COQ8A: variants seen among roughly 807,000 people sequenced by gnomAD.
COQ8A encodes the protein atypical kinase COQ8A, mitochondrial.
Under a neutral mutation model 65.0 loss-of-function variants are expected in COQ8A, and 51 were observed. The ratio of observed to expected loss-of-function variants is 0.78; its 90% CI spans 0.63 to 0.99. The LOEUF is 0.99. Ranked by LOEUF, COQ8A falls within the 50% of genes least tolerant of loss-of-function variation. The pLI is 0.00. For missense variants in COQ8A, 940 were observed against 875.0 expected (o/e 1.07, Z -0.94); for synonymous variants, 371 against 353.2 (o/e 1.05, Z -0.57).
At chr1:226,961,274 C>T (rs1403233403) in intron 1 of COQ8A, 103 bp from the exon 2 acceptor site, 2 of 1,300,934 alleles carry the variant, frequency 1.5e-6, no homozygotes, top group Non-Finnish European at 2.2e-6. Context: ...GTGGAAAAAC[C>T]AGCCCTCTGG....
rs79118974 is a variant in COQ8A at position 226,986,185 on chromosome 1, A to G, written c.1660-268A>G. 8.4e-3 allele frequency among the ~76,000 whole-genome samples: 1,209 copies of G among 144,636 alleles called. 18 individuals are homozygous for G. Among genetic ancestry groups the G allele is most frequent in the African/African-American group, 0.03 (1,149 of 38,596 alleles). The allele number at this position is 144,636 out of a possible 152,430, so 94.9% of individuals were successfully genotyped here. On this transcript the variant is annotated intron_variant, in intron 14 of 14. Transcript: ENST00000366777. ...TTGGCCAGAACAGTGTTTTGTTAAA[A>G]CTCTGTATGAGTGCCACGAGGCGGG...
intron 9 of COQ8A, 28 bp downstream of exon 9, chr1:226,983,661 G>C (rs763859018): frequency 1.2e-6 from 2 of 1,613,208 alleles, no homozygotes; most frequent in South Asian, 2.2e-5. Context: ...TGGGTCAAGG[G>C]CAGGAGTGGG....
rs780563486 is a variant in COQ8A at position 226,965,301 on chromosome 1, G to A, written c.479G>A (p.Arg160Gln). 6 of 1,613,888 alleles carry A rather than the reference G, an allele frequency of 3.7e-6. No individual in the cohort carries two copies. Among genetic ancestry groups the A allele is most frequent in the Non-Finnish European group, 5.1e-6 (6 of 1,180,000 alleles). The change falls in exon 3 of 15, where the codon CGA becomes CAA. Residue 160 changes from arginine (R) to glutamine (Q), a missense_variant. By Grantham distance (43) the Arg-to-Gln change is conservative (BLOSUM62 1). Coordinates refer to ENST00000366777, the MANE Select transcript of COQ8A (RefSeq NM_020247.5). ...RDSFSAMGFQRRFFHQDQSPV... is the reference protein window; with the variant it reads ...RDSFSAMGFQQRFFHQDQSPV... Reference sequence around the variant, plus strand: ...TCATTCTCTGCCATGGGCTTTCAGCGAAGGTTCTTCCACCAGGACCAATCC... The same window carrying A: ...TCATTCTCTGCCATGGGCTTTCAGCAAAGGTTCTTCCACCAGGACCAATCC...
At chr1:226,977,559 GC>G (rs1174309352) in intron 5 of COQ8A, 36 bp downstream of exon 5, 1 of 1,543,232 alleles carries the variant, frequency 6.5e-7, no homozygotes, top group Non-Finnish European at 8.8e-7. Context: ...GGCAGGGTGG[GC>G]CCCGGGAGGG....
chr1:226,964,465 A>C (rs1658438047), intron 2 of COQ8A, among the ~76,000 whole-genome samples: 1 of 152,184 alleles, frequency 6.6e-6, no homozygotes, highest in African/African-American at 2.4e-5. Context: ...AGGGACGGCC[A>C]GGCCTGGTCC....
At chr1:226,964,107 G>A (rs527790607) in intron 2 of COQ8A, among the ~76,000 whole-genome samples, 80 of 152,320 alleles carry the variant, frequency 5.3e-4, no homozygotes, top group African/African-American at 1.7e-3. Flanking sequence ...ACAGCAGAAC[G>A]TGAGGCTTGG....
chr1:226,960,204 T>TGGG (rs1658076817), intron 1 of COQ8A, among the ~76,000 whole-genome samples: 1 of 136,946 alleles, frequency 7.3e-6, no homozygotes, highest in Non-Finnish European at 1.6e-5. Flanking sequence ...TGGTGGTACT[T>TGGG]GGTGGTGGTG....
chr1:226,959,668 A>C (rs773144597), intron 1 of COQ8A, among the ~76,000 whole-genome samples: 67 of 152,348 alleles, frequency 4.4e-4, no homozygotes, highest in Middle Eastern at 3.4e-3. Context: ...TTTGCATCCC[A>C]GTATGCAGGA....
intron 2 of COQ8A, among the ~76,000 whole-genome samples, chr1:226,962,062 G>A (rs1658286177): frequency 6.6e-6 from 1 of 152,184 alleles, no homozygotes; most frequent in South Asian, 2.1e-4. Flanking sequence ...TGTGCACTTT[G>A]GAGACACACA....
At position 226,973,182 on chromosome 1, in the gene COQ8A, T is replaced by G. The variant is rs189666836; in HGVS notation, c.656-4267T>G. ...AGGGCACACGCCATGCTTCCTGCAG[T>G]GCCAGTGCTCTTCTGGGTCCACTTT... On this transcript the variant is annotated intron_variant, in intron 4 of 14. Transcript: ENST00000366777. Among the ~76,000 whole-genome samples, 293 of 152,360 alleles carry G rather than the reference T, an allele frequency of 1.9e-3. 3 individuals are homozygous for G. Among genetic ancestry groups the G allele is most frequent in the African/African-American group, 6.6e-3 (274 of 41,592 alleles).
Position 226,949,153 on chromosome 1 carries a change from G to A in COQ8A, c.-10+8754G>A, listed in dbSNP as rs1194188620. On this transcript the variant is annotated intron_variant, in intron 1 of 14. Coordinates refer to ENST00000366777, the MANE Select transcript of COQ8A (RefSeq NM_020247.5). This position sits in a 1 kb window ranked among gnomAD's most constrained non-coding sequence, Gnocchi z 4.0. ...GCGAGCGGGCCTGCCTGAGAAAGTAGGACCTGCAGAGTGGAGTGCGCTCAC... is the reference window on the plus strand; with the variant it reads ...GCGAGCGGGCCTGCCTGAGAAAGTAAGACCTGCAGAGTGGAGTGCGCTCAC... Among the ~76,000 whole-genome samples, 2 of 151,876 alleles carry A rather than the reference G, an allele frequency of 1.3e-5. No individual in the cohort carries two copies.
chr1:226,974,507 G>A (rs1205790106), intron 4 of COQ8A, among the ~76,000 whole-genome samples: 1 of 152,244 alleles, frequency 6.6e-6, no homozygotes, highest in African/African-American at 2.4e-5. Flanking sequence ...GTCCCACGAG[G>A]ACCCGGGGAG....
At chr1:226,983,706 G>T in intron 9 of COQ8A, 55 bp from the exon 10 acceptor site, 1 of 1,611,776 alleles carries the variant, frequency 6.2e-7, no homozygotes, top group Non-Finnish European at 8.5e-7. Context: ...GGGGACCAGA[G>T]GGGGTCCTCC....
intron 14 of COQ8A, among the ~76,000 whole-genome samples, chr1:226,986,193 T>TA (rs764898054): frequency 2.6e-5 from 4 of 152,096 alleles, no homozygotes; most frequent in Non-Finnish European, 4.4e-5. Context: ...AAACTCTGTA[T>TA]GAGTGCCACG....
rs150511670 is a variant in COQ8A at position 226,942,085 on chromosome 1, T to C, written c.-10+1686T>C. ...GACTAGCACCGCTCCCCACCCCTTC[T>C]AGCCGTTGTGACCATCAAAAGTGTT... On this transcript the variant is annotated intron_variant, in intron 1 of 14. Coordinates refer to ENST00000366777, the MANE Select transcript of COQ8A (RefSeq NM_020247.5). 7.1e-3 allele frequency among the ~76,000 whole-genome samples: 1,080 copies of C among 152,182 alleles called. 11 individuals are homozygous for C. The highest frequency in any genetic ancestry group is 0.011 in the Non-Finnish European group (729 of 67,974).
In COQ8A at chr1:226,961,488, G is replaced by T. The variant is rs749815821; in HGVS notation, c.103G>T (p.Glu35Ter). 1.2e-6 allele frequency: 2 copies of T among 1,613,952 alleles called. No individual in the cohort carries two copies. Among genetic ancestry groups the T allele is most frequent in the South Asian group, 2.2e-5 (2 of 91,090 alleles). ...THLQHLGIGG[E>*]LIMAARALQS... Reference sequence around the variant, plus strand: ...CCTGCAGCACTTGGGCATCGGAGGGGAGCTGATCATGGCGGCCAGGGCCCT... The same window carrying T: ...CCTGCAGCACTTGGGCATCGGAGGGTAGCTGATCATGGCGGCCAGGGCCCT... Residue 35 changes from glutamate (E) to a stop codon, truncating the protein, a stop_gained, in exon 2 of 15, where the codon GAG becomes TAG. Coordinates refer to ENST00000366777, the MANE Select transcript of COQ8A (RefSeq NM_020247.5). LOFTEE classifies it high-confidence loss of function.
At position 226,986,597 on chromosome 1, in the gene COQ8A, C is replaced by T; in HGVS notation, c.1804C>T (p.Pro602Ser). 6.2e-7 allele frequency: 1 copy of T among 1,613,978 alleles called. No homozygotes were observed. The highest frequency in any genetic ancestry group is 8.5e-7 in the Non-Finnish European group (1 of 1,179,996). The change falls in exon 15 of 15, where the codon CCA (proline) becomes TCA (serine). Residue 602 changes from proline (P) to serine (S), a missense_variant. Transcript: ENST00000366777. Reference sequence around the variant, plus strand: ...CATGCTGAGGCACCGTCTCGTCCCCCCACCCGAGGAAACCTACTCCCTGCA... The same window carrying T: ...CATGCTGAGGCACCGTCTCGTCCCCTCACCCGAGGAAACCTACTCCCTGCA... ...PVMLRHRLVP[P>S]PEETYSLHRK...
chr1:226,966,599 A>G (rs991264068), intron 4 of COQ8A, among the ~76,000 whole-genome samples: 6 of 152,174 alleles, frequency 3.9e-5, no homozygotes, highest in African/African-American at 1.4e-4. Context: ...GTGAGTGGTT[A>G]GTTCCAGGGC....
chr1:226,986,480 A>G lies in COQ8A; in HGVS notation c.1687A>G (p.Ile563Val). 2.5e-6 allele frequency: 4 copies of G among 1,613,204 alleles called. No individual in the cohort carries two copies. Among genetic ancestry groups the G allele is most frequent in the African/African-American group, 1.3e-5 (1 of 74,948 alleles). The change falls in exon 15 of 15, where the codon ATC becomes GTC. Residue 563 changes from isoleucine to valine, a missense_variant. Coordinates refer to ENST00000366777, the MANE Select transcript of COQ8A (RefSeq NM_020247.5). ...CATGGAAGACGCCCACTTGGATGCC[A>G]TCCTCATCCTGGGGGAGGCCTTCGC... ...KVMEDAHLDA[I>V]LILGEAFASD... is the part of the protein sequence containing the mutation.
Sources: allele counts gnomAD v4.1 joint callset (sites outside exome capture counted in the v4.1 genomes callset), GRCh38; gene constraint gnomAD v4.1.1; non-coding constraint Gnocchi (gnomAD v3.1); transcripts MANE v1.5; gene names NCBI Gene and HGNC (gene_info 2026-07-23, HGNC 2026-07-21).